TNNI3K: variants seen among roughly 807,000 people sequenced by gnomAD.
TNNI3K encodes the protein TNNI3 interacting kinase, also known as serine/threonine-protein kinase TNNI3K.
TNNI3K carries 140 observed loss-of-function variants against 114.5 expected under a neutral mutation model. The observed-to-expected ratio is 1.22, with a 90% CI of 1.07 to 1.41. The LOEUF (loss-of-function observed/expected upper bound fraction) is 1.41. TNNI3K is among the 40% of genes most tolerant of loss of function. The probability of loss-of-function intolerance (pLI) is 0.00; values close to 1 mark genes in which losing one functional copy is unlikely to be tolerated. For synonymous variants in TNNI3K, 347 were observed against 347.5 expected, an observed-to-expected ratio of 1.00 and a Z score of 0.02; for missense variants, 1,125 against 1,007.6, an observed-to-expected ratio of 1.12 and a Z score of -1.58.
intron 17 of TNNI3K, chr1:74,418,126 C>T (rs1331138618): frequency 4.5e-6 from 2 of 448,710 alleles, no homozygotes; most frequent in East Asian, 7.2e-5. Context: ...GGGAAGTCTT[C>T]CTAAAAGGTA....
At chr1:74,381,612 G>C (rs1663206232) in intron 17 of TNNI3K, among the ~76,000 whole-genome samples, 2 of 152,234 alleles carry the variant, frequency 1.3e-5, no homozygotes, top group South Asian at 4.2e-4. Context: ...TTTCTATAGA[G>C]AAGGTCAAGG....
intron 11 of TNNI3K, among the ~76,000 whole-genome samples, chr1:74,354,503 G>A (rs45443403): frequency 6.6e-6 from 1 of 151,976 alleles, no homozygotes; most frequent in Non-Finnish European, 1.5e-5. Flanking sequence ...AGTACAAGGG[G>A]GGGGGAAAGA....
At chr1:74,322,530 G>T (rs924296104) in intron 5 of TNNI3K, among the ~76,000 whole-genome samples, 1 of 147,160 alleles carries the variant, frequency 6.8e-6, no homozygotes, top group Non-Finnish European at 1.5e-5. Flanking sequence ...GCACCATCTC[G>T]GCTCACGGCA....
At chr1:74,368,028 A>G in intron 13 of TNNI3K, 64 bp downstream of exon 13, 1 of 1,437,588 alleles carries the variant, frequency 7.0e-7, no homozygotes, top group South Asian at 1.4e-5. Context: ...TTCAAATGTA[A>G]TTTTCAATTT....
At chr1:74,256,058 C>T (rs1297572266) in intron 4 of TNNI3K, among the ~76,000 whole-genome samples, 1 of 152,132 alleles carries the variant, frequency 6.6e-6, no homozygotes, top group Non-Finnish European at 1.5e-5. Context: ...ATAAACAAAG[C>T]TGTTCTGAAC....
At chr1:74,246,209 T>C (rs1654540509) in intron 2 of TNNI3K, among the ~76,000 whole-genome samples, 2 of 152,234 alleles carry the variant, frequency 1.3e-5, no homozygotes, top group Admixed American at 1.3e-4. Context: ...CTTAGAAATG[T>C]GTGGTCTTTG....
intron 22 of TNNI3K, among the ~76,000 whole-genome samples, chr1:74,490,344 A>G (rs1669002929): frequency 6.6e-6 from 1 of 152,154 alleles, no homozygotes; most frequent in South Asian, 2.1e-4. Flanking sequence ...CTTGGGTATT[A>G]AGAGACACCT....
intron 24 of TNNI3K, 55 bp downstream of exon 24, chr1:74,540,368 GTC>G: frequency 6.5e-7 from 1 of 1,549,800 alleles, no homozygotes; most frequent in Non-Finnish European, 8.8e-7. Flanking sequence ...GGAAGGTGAT[GTC>G]TATTTGACAA....
intron 23 of TNNI3K, among the ~76,000 whole-genome samples, chr1:74,498,322 G>T (rs1177956764): frequency 6.6e-6 from 1 of 152,124 alleles, no homozygotes; most frequent in Non-Finnish European, 1.5e-5. Context: ...ACTATGTCAT[G>T]AAGAAGTATT....
intron 5 of TNNI3K, among the ~76,000 whole-genome samples, chr1:74,295,282 A>G (rs1473274802): frequency 2.0e-5 from 3 of 152,164 alleles, no homozygotes; most frequent in Non-Finnish European, 4.4e-5. Flanking sequence ...ATGACCAAGC[A>G]TATGGTGGAT....
chr1:74,470,594 G>A (rs1667878366), intron 21 of TNNI3K: 3 of 400,570 alleles, frequency 7.5e-6, no homozygotes, highest in African/African-American at 6.2e-5. Flanking sequence ...TGTGTTTGGG[G>A]AATGAGAGAG....
intron 23 of TNNI3K, among the ~76,000 whole-genome samples, chr1:74,519,744 T>C (rs1185341708): frequency 6.6e-6 from 1 of 152,196 alleles, no homozygotes; most frequent in Non-Finnish European, 1.5e-5. Flanking sequence ...ATTTTTCTAA[T>C]GTGAGGACAA....
intron 11 of TNNI3K, among the ~76,000 whole-genome samples, chr1:74,365,908 A>G (rs1490380167): frequency 6.6e-6 from 1 of 151,936 alleles, no homozygotes; most frequent in African/African-American, 2.4e-5. Context: ...AACTATGTAG[A>G]TTTAAGTTTT....
intron 23 of TNNI3K, among the ~76,000 whole-genome samples, chr1:74,525,100 G>A (rs963025786): frequency 1.4e-4 from 22 of 152,162 alleles, no homozygotes; most frequent in African/African-American, 5.3e-4. Context: ...ACATACTAAA[G>A]AGGGCACTTA....
chr1:74,363,971 G>GTATTATTATTATTAT lies in TNNI3K; in HGVS notation c.1178-3259_1178-3245dup, dbSNP rs368456076. The stretch of plus-strand genomic sequence containing the variant: ...GACTCTAGCAAGGAACAGATGAGGG[G>GTATTATTATTATTAT]TATTATTATTATTATTATTATTATT... On this transcript the variant is annotated intron_variant, in intron 11 of 24. Coordinates refer to ENST00000326637, the MANE Select transcript of TNNI3K (RefSeq NM_015978.3). 2.0e-3 allele frequency among the ~76,000 whole-genome samples: 273 copies of GTATTATTATTATTAT among 135,494 alleles called. 1 individual carries two copies. Among genetic ancestry groups the GTATTATTATTATTAT allele is most frequent in the Admixed American group, 4.4e-3 (58 of 13,284 alleles). The allele number at this position is 135,494 out of a possible 152,430, so 88.9% of individuals were successfully genotyped here. A position where few individuals can be genotyped will look rare whatever the true frequency, so the allele number is the denominator to read the frequency against.
chr1:74,355,491 C>T (rs1007582467), intron 11 of TNNI3K, among the ~76,000 whole-genome samples: 1 of 152,060 alleles, frequency 6.6e-6, no homozygotes, highest in African/African-American at 2.4e-5. Flanking sequence ...GTAATCTCAG[C>T]TACTCGGGAG....
intron 23 of TNNI3K, among the ~76,000 whole-genome samples, chr1:74,526,633 T>A (rs1004296860): frequency 6.6e-6 from 1 of 152,232 alleles, no homozygotes; most frequent in Non-Finnish European, 1.5e-5. Flanking sequence ...TAAATAAATA[T>A]AAATTGGATA....
intron 23 of TNNI3K, among the ~76,000 whole-genome samples, chr1:74,539,845 C>A (rs1011314962): frequency 1.3e-5 from 2 of 151,672 alleles, no homozygotes; most frequent in African/African-American, 4.8e-5. Context: ...AATAATACTT[C>A]TTGGGATGTG....
intron 23 of TNNI3K, among the ~76,000 whole-genome samples, chr1:74,535,107 G>T (rs1408262526): frequency 1.3e-5 from 2 of 152,130 alleles, no homozygotes. Flanking sequence ...CTGCCTAAAT[G>T]AGGACTGTGT....
Sources: gnomAD v4.1 joint callset for allele counts (sites outside exome capture counted in the v4.1 genomes callset) on GRCh38, gnomAD v4.1.1 for gene constraint, MANE v1.5 for transcripts, NCBI Gene and HGNC (gene_info 2026-07-23, HGNC 2026-07-21) for gene names.